Variants in CTIF observed in about 807,000 individuals in gnomAD.
The protein encoded by CTIF is CBP80/20-dependent translation initiation factor.
In CTIF, 21 loss-of-function variants were observed where a neutral mutation model predicts 66.0. That is an observed-to-expected ratio of 0.32 (90% confidence interval 0.23 to 0.46). The LOEUF is 0.46. Among genes scored for constraint, CTIF ranks in the 20% least tolerant of loss-of-function variants. The probability of loss-of-function intolerance (pLI) is 1.00; values close to 1 mark genes in which losing one functional copy is unlikely to be tolerated. For missense variants in CTIF, 739 were observed against 812.7 expected, an observed-to-expected ratio of 0.91 and a Z score of 1.10; for synonymous variants, 345 against 326.4, an observed-to-expected ratio of 1.06 and a Z score of -0.62.
chr18:48,660,257 G>A (rs903226147), intron 3 of CTIF, among the ~76,000 whole-genome samples: 3 of 151,632 alleles, frequency 2.0e-5, no homozygotes, highest in Admixed American at 6.6e-5. Flanking sequence ...CACCTGTGAC[G>A]TGTGTTGGTT....
At chr18:48,664,619 C>G in intron 5 of CTIF, 68 bp downstream of exon 5, 1 of 1,331,372 alleles carries the variant, frequency 7.5e-7, no homozygotes, top group Non-Finnish European at 1.1e-6. Context: ...TTTGCCTCCA[C>G]AGGGAGGCTG....
chr18:48,704,910 C>A (rs2092132287), intron 6 of CTIF, among the ~76,000 whole-genome samples: 1 of 152,202 alleles, frequency 6.6e-6, no homozygotes, highest in South Asian at 2.1e-4. Flanking sequence ...GAGGCACAGG[C>A]CCCTCAGGGT....
chr18:48,634,228 C>T (rs1225611525), intron 2 of CTIF, among the ~76,000 whole-genome samples: 5 of 152,112 alleles, frequency 3.3e-5, no homozygotes, highest in South Asian at 2.1e-4. Flanking sequence ...GTGATGTGCC[C>T]GTCTCGATGC....
chr18:48,796,914 C>A (rs1027376870), intron 9 of CTIF, among the ~76,000 whole-genome samples: 1 of 152,150 alleles, frequency 6.6e-6, no homozygotes, highest in Non-Finnish European at 1.5e-5. Flanking sequence ...TCCTTAAGAC[C>A]ATCCTTTATA....
chr18:48,617,410 C>G (rs2090419254), intron 1 of CTIF, among the ~76,000 whole-genome samples: 1 of 152,218 alleles, frequency 6.6e-6, no homozygotes, highest in African/African-American at 2.4e-5. Flanking sequence ...TGCAAAATCC[C>G]TTCCCAAGGG....
intron 1 of CTIF, among the ~76,000 whole-genome samples, chr18:48,544,154 G>A (rs1454797260): frequency 6.6e-6 from 1 of 152,230 alleles, no homozygotes; most frequent in Non-Finnish European, 1.5e-5. Flanking sequence ...ACTACTGGTA[G>A]GGAGAAGGAC....
chr18:48,626,659 T>TTTTTG (rs1555657868), intron 2 of CTIF, among the ~76,000 whole-genome samples: 1 of 146,092 alleles, frequency 6.8e-6, no homozygotes, highest in Non-Finnish European at 1.5e-5. Context: ...TTTTTTTGTT[T>TTTTTG]TTTTTTTTTT....
At chr18:48,770,121 C>G (rs770364513) in intron 9 of CTIF, among the ~76,000 whole-genome samples, 3 of 152,148 alleles carry the variant, frequency 2.0e-5, no homozygotes, top group Admixed American at 1.3e-4. Context: ...TGAAAATAAG[C>G]GAGGAAAGAA....
chr18:48,692,344 A>C (rs549169711), intron 6 of CTIF, among the ~76,000 whole-genome samples: 48 of 151,146 alleles, frequency 3.2e-4, no homozygotes, highest in Non-Finnish European at 5.1e-4. Flanking sequence ...AAACAAAAAA[A>C]AAAAACCACC....
chr18:48,584,431 G>A (rs2089724980), intron 1 of CTIF, among the ~76,000 whole-genome samples: 1 of 152,114 alleles, frequency 6.6e-6, no homozygotes, highest in African/African-American at 2.4e-5. Flanking sequence ...CAAATGTCCT[G>A]GGCCCTGAAC....
intron 6 of CTIF, chr18:48,692,573 C>T (rs969558767): frequency 6.6e-6 from 1 of 152,196 alleles, no homozygotes; most frequent in African/African-American, 2.4e-5. Context: ...CAAACTTTAG[C>T]GTGCATATGA....
At chr18:48,836,994 G>A (rs1323555420) in intron 10 of CTIF, among the ~76,000 whole-genome samples, 2 of 152,228 alleles carry the variant, frequency 1.3e-5, no homozygotes, top group African/African-American at 2.4e-5. Context: ...AAGGAGCGGG[G>A]AAGGGCAGGA....
At chr18:48,567,176 A>C (rs1239772993) in intron 1 of CTIF, 1 of 152,188 alleles carries the variant, frequency 6.6e-6, no homozygotes, top group Admixed American at 6.5e-5. Flanking sequence ...TGGAATCTTT[A>C]AATATTAACT....
intron 6 of CTIF, among the ~76,000 whole-genome samples, chr18:48,690,075 T>C (rs2091903668): frequency 6.6e-6 from 1 of 152,202 alleles, no homozygotes; most frequent in African/African-American, 2.4e-5. Flanking sequence ...CCCTGTCCTA[T>C]AAGAAGGTAG....
At chr18:48,849,623 A>G (rs1244572022) in intron 10 of CTIF, among the ~76,000 whole-genome samples, 3 of 123,644 alleles carry the variant, frequency 2.4e-5, no homozygotes, top group Admixed American at 1.0e-4. Flanking sequence ...GTTTCACTCT[A>G]TCGCCAGGCT....
At chr18:48,600,937 G>A (rs1345294663) in intron 1 of CTIF, among the ~76,000 whole-genome samples, 1 of 152,126 alleles carries the variant, frequency 6.6e-6, no homozygotes, top group Non-Finnish European at 1.5e-5. Flanking sequence ...AGAATGTTAA[G>A]CTTGTTGAAA....
rs3082465 is a variant in CTIF at position 48,687,305 on chromosome 18, G to GACACACACACACACAC, written c.507+16592_507+16607dup. On this transcript the variant is annotated intron_variant, in intron 6 of 11. Transcript: ENST00000256413. ...TGTTGTTCAAAGAACTCTAGGAGGG[G>GACACACACACACACAC]ACACACACACACACACACACACACA... Among the ~76,000 whole-genome samples, 180 of 128,636 alleles carry GACACACACACACACAC rather than the reference G, an allele frequency of 1.4e-3. 1 individual carries two copies. The highest frequency in any genetic ancestry group is 3.8e-3 in the East Asian group (16 of 4,160). 84.4% of individuals were successfully genotyped at this position (128,636 alleles called of 152,430 possible). A position where few individuals can be genotyped will look rare whatever the true frequency, so the allele number is the denominator to read the frequency against.
chr18:48,745,809 G>T lies in CTIF; in HGVS notation c.585-12110G>T, dbSNP rs1353448420. On this transcript the variant is annotated intron_variant, in intron 7 of 11. Coordinates refer to ENST00000256413, the MANE Select transcript of CTIF (RefSeq NM_014772.3). ...GGGGAGCCATGTCCCAAGATGGCTG[G>T]GCTGGGGGTTCCACTATGCATGAAG... Among the ~76,000 whole-genome samples the T allele has an allele frequency of 2.6e-5, 4 of 152,004 alleles. No individual in the cohort carries two copies. In the South Asian group the frequency reaches 8.3e-4, roughly 31 times the overall value.
At chr18:48,614,561 T>A (rs2090363889) in intron 1 of CTIF, among the ~76,000 whole-genome samples, 1 of 152,210 alleles carries the variant, frequency 6.6e-6, no homozygotes, top group Non-Finnish European at 1.5e-5. Context: ...TTCTGATACA[T>A]GTTACAATGT....
Sources: allele counts gnomAD v4.1 joint callset (sites outside exome capture counted in the v4.1 genomes callset), GRCh38; gene constraint gnomAD v4.1.1; transcripts MANE v1.5; gene names NCBI Gene and HGNC (gene_info 2026-07-23, HGNC 2026-07-21).